The following PTPRD variants were observed in gnomAD, a reference collection of about 807,000 sequenced individuals.
PTPRD encodes receptor-type tyrosine-protein phosphatase delta.
In PTPRD, 34 loss-of-function variants were observed where a neutral mutation model predicts 214.5. The observed-to-expected ratio is 0.16, with a 90% CI of 0.12 to 0.21. PTPRD has a LOEUF of 0.21. Among genes scored for constraint, PTPRD ranks in the 10% least tolerant of loss-of-function variants. The pLI is 1.00. For missense variants in PTPRD, 2,545 were observed against 2,398.7 expected, an observed-to-expected ratio of 1.06 and a Z score of -1.27; for synonymous variants, 1,128 against 845.7, an observed-to-expected ratio of 1.33 and a Z score of -5.79.
chr9:9,691,487 A>C (rs1447647049), intron 7 of PTPRD, among the ~76,000 whole-genome samples: 1 of 152,078 alleles, frequency 6.6e-6, no homozygotes, highest in Non-Finnish European at 1.5e-5. Context: ...ATGGCTGAAT[A>C]GTACTCCATT....
chr9:9,749,704 C>T (rs1269807188), intron 6 of PTPRD, among the ~76,000 whole-genome samples: 1 of 152,000 alleles, frequency 6.6e-6, no homozygotes, highest in Non-Finnish European at 1.5e-5. Context: ...GGAAGGAAGG[C>T]CTCAGGAAGA....
intron 3 of PTPRD, among the ~76,000 whole-genome samples, chr9:10,224,187 A>C (rs1193036583): frequency 6.6e-6 from 1 of 151,990 alleles, no homozygotes; most frequent in Non-Finnish European, 1.5e-5. Flanking sequence ...ACATTATGTA[A>C]ACCACTATAT....
At chr9:8,877,093 A>C (rs2098400466) in intron 11 of PTPRD, among the ~76,000 whole-genome samples, 1 of 151,890 alleles carries the variant, frequency 6.6e-6, no homozygotes, top group African/African-American at 2.4e-5. Context: ...TGTCCAGATA[A>C]TTTTTGTATT....
intron 11 of PTPRD, among the ~76,000 whole-genome samples, chr9:8,837,009 G>A (rs1319747462): frequency 1.4e-5 from 2 of 148,132 alleles, no homozygotes; most frequent in Non-Finnish European, 3.0e-5. Flanking sequence ...TTACAGGCGT[G>A]AGCCACCACA....
chr9:9,933,317 T>A (rs1222631564), intron 5 of PTPRD, among the ~76,000 whole-genome samples: 2 of 152,204 alleles, frequency 1.3e-5, no homozygotes, highest in East Asian at 1.9e-4. Flanking sequence ...ATCAGTGTGC[T>A]GTATTCAGGA....
At chr9:9,795,907 T>G (rs769048961) in intron 5 of PTPRD, among the ~76,000 whole-genome samples, 1 of 152,134 alleles carries the variant, frequency 6.6e-6, no homozygotes, top group Non-Finnish European at 1.5e-5. Flanking sequence ...AAAAGTACAT[T>G]TCTAGTCTCT....
intron 3 of PTPRD, among the ~76,000 whole-genome samples, chr9:10,212,920 A>C (rs564824690): frequency 1.5e-4 from 23 of 152,280 alleles, no homozygotes; most frequent in African/African-American, 4.8e-4. Flanking sequence ...TATTTATCTC[A>C]GACAGTTCTT....
chr9:10,341,265 G>A (rs1293435019), intron 2 of PTPRD, among the ~76,000 whole-genome samples: 2 of 151,902 alleles, frequency 1.3e-5, no homozygotes, highest in Non-Finnish European at 2.9e-5. Context: ...TACTCAGAAA[G>A]TACATACAAG....
At chr9:9,983,994 A>T (rs1039757359) in intron 4 of PTPRD, among the ~76,000 whole-genome samples, 2 of 152,174 alleles carry the variant, frequency 1.3e-5, no homozygotes, top group Non-Finnish European at 2.9e-5. Flanking sequence ...CCTGTAATTG[A>T]AGATCAGATA....
chr9:8,514,880 G>C (rs1287803296), intron 21 of PTPRD, among the ~76,000 whole-genome samples: 2 of 152,074 alleles, frequency 1.3e-5, no homozygotes, highest in East Asian at 3.9e-4. Context: ...CTCCTATGCC[G>C]TTGTCGTGAT....
Position 10,161,122 on chromosome 9 carries a change from T to C in PTPRD, c.-544-127332A>G, listed in dbSNP as rs1219433431. 2.0e-5 allele frequency among the ~76,000 whole-genome samples: 3 copies of C among 151,830 alleles called. 1 individual carries two copies. Among genetic ancestry groups the C allele is most frequent in the Admixed American group, 2.0e-4 (3 of 15,218 alleles). On this transcript the variant is annotated intron_variant, in intron 3 of 45. Transcript: ENST00000381196. ...TGTTCATGAACTTGAAGAATATTGT[T>C]AAAATGACAATACTACTCAAAGCAG...
At chr9:9,429,373 G>C (rs1339435228) in intron 8 of PTPRD, among the ~76,000 whole-genome samples, 1 of 152,130 alleles carries the variant, frequency 6.6e-6, no homozygotes, top group Non-Finnish European at 1.5e-5. Context: ...TTCCTGAATA[G>C]ACCAATAGCA....
chr9:10,007,642 G>T (rs1199448886), intron 4 of PTPRD, among the ~76,000 whole-genome samples: 4 of 151,914 alleles, frequency 2.6e-5, no homozygotes, highest in Admixed American at 6.6e-5. Flanking sequence ...TCTTTTGAGA[G>T]AAATATGAGA....
chr9:9,233,977 T>C lies in PTPRD; in HGVS notation c.-202-50614A>G, dbSNP rs185132157. The stretch of plus-strand genomic sequence containing the variant: ...TAGCATCCTGGGGTCTGGAGGATGA[T>C]GGCCCTTTTTTTCAAAGCTCCACTA... On this transcript the variant is annotated intron_variant, in intron 9 of 45. Transcript: ENST00000381196. Among the ~76,000 whole-genome samples, 20 of 152,264 alleles carry C rather than the reference T, an allele frequency of 1.3e-4. No individual in the cohort carries two copies. In the East Asian group the frequency reaches 3.7e-3, roughly 28 times the overall value.
intron 10 of PTPRD, among the ~76,000 whole-genome samples, chr9:9,023,630 T>C (rs1292439920): frequency 6.6e-6 from 1 of 152,050 alleles, no homozygotes; most frequent in Non-Finnish European, 1.5e-5. Flanking sequence ...TAGTACCCAC[T>C]AGGCAGCTTT....
At chr9:9,936,030 G>A (rs1414889418) in intron 5 of PTPRD, among the ~76,000 whole-genome samples, 1 of 149,920 alleles carries the variant, frequency 6.7e-6, no homozygotes, top group Admixed American at 6.6e-5. Flanking sequence ...GCCATATGTA[G>A]AAAGCTGAAA....
At chr9:9,839,425 G>C (rs1432356879) in intron 5 of PTPRD, among the ~76,000 whole-genome samples, 2 of 152,108 alleles carry the variant, frequency 1.3e-5, no homozygotes, top group Non-Finnish European at 2.9e-5. Context: ...AACAGAGAGG[G>C]AAATCATGAG....
chr9:8,778,016 G>A (rs1052497080), intron 11 of PTPRD, among the ~76,000 whole-genome samples: 7 of 152,240 alleles, frequency 4.6e-5, no homozygotes, highest in African/African-American at 1.7e-4. Flanking sequence ...GTCTAGGATT[G>A]GTTACTTGCT....
At chr9:8,561,786 C>T (rs1205347695) in intron 14 of PTPRD, among the ~76,000 whole-genome samples, 6 of 150,046 alleles carry the variant, frequency 4.0e-5, no homozygotes, top group Non-Finnish European at 7.4e-5. Context: ...GCAGTGTTGG[C>T]ACCATTGTAA....
Sources: allele counts gnomAD v4.1 joint callset (sites outside exome capture counted in the v4.1 genomes callset), GRCh38; gene constraint gnomAD v4.1.1; transcripts MANE v1.5; gene names NCBI Gene and HGNC (gene_info 2026-07-23, HGNC 2026-07-21).